The following GPD1L variants were observed in gnomAD, a reference collection of about 807,000 sequenced individuals.
The protein encoded by GPD1L is glycerol-3-phosphate dehydrogenase 1 like, also known as glycerol-3-phosphate dehydrogenase 1-like protein.
In GPD1L, 17 loss-of-function variants were observed where a neutral mutation model predicts 32.9. That is an observed-to-expected ratio of 0.52 (90% CI 0.35 to 0.78). The LOEUF (loss-of-function observed/expected upper bound fraction) is 0.78. Ranked by LOEUF, GPD1L falls within the 30% of genes least tolerant of loss-of-function variation. GPD1L has a pLI of 0.01. For missense variants in GPD1L, 361 were observed against 447.8 expected (o/e 0.81, Z 1.75); for synonymous variants, 187 against 165.9 (o/e 1.13, Z -0.98).
Position 32,115,628 on chromosome 3 carries a change from T to C in GPD1L, c.47+8870T>C, listed in dbSNP as rs560178341. Among the ~76,000 whole-genome samples the C allele has an allele frequency of 3.3e-5, 5 of 152,274 alleles. No individual in the cohort carries two copies. The South Asian group carries it at 1.0e-3, about 32-fold the overall frequency. On this transcript the variant is annotated intron_variant, in intron 1 of 7. Coordinates refer to ENST00000282541, the MANE Select transcript of GPD1L (RefSeq NM_015141.4). Reference sequence around the variant, plus strand: ...TCCAGTCCTGGAGGAGGAGGAGAACTCTAACCTAATAGCCCTAACACTGGC... The same window carrying C: ...TCCAGTCCTGGAGGAGGAGGAGAACCCTAACCTAATAGCCCTAACACTGGC...
chr3:32,110,465 G>A (rs1700231064), intron 1 of GPD1L, among the ~76,000 whole-genome samples: 1 of 152,244 alleles, frequency 6.6e-6, no homozygotes, highest in African/African-American at 2.4e-5. Context: ...TAGCCTGTTT[G>A]TGTAAATAAA....
intron 4 of GPD1L, among the ~76,000 whole-genome samples, chr3:32,141,858 C>T (rs1439947083): frequency 1.3e-5 from 2 of 152,122 alleles, no homozygotes; most frequent in African/African-American, 2.4e-5. Flanking sequence ...GGGTGTATTG[C>T]ATGATGCTGA....
At chr3:32,135,491 C>T (rs1043426542) in intron 2 of GPD1L, among the ~76,000 whole-genome samples, 11 of 152,176 alleles carry the variant, frequency 7.2e-5, no homozygotes, top group Non-Finnish European at 1.2e-4. Flanking sequence ...CTTGCTCTGT[C>T]GCCCAGGCTG....
At chr3:32,130,295 A>G (rs1465439212) in intron 2 of GPD1L, among the ~76,000 whole-genome samples, 2 of 151,994 alleles carry the variant, frequency 1.3e-5, no homozygotes, top group African/African-American at 2.4e-5. Context: ...TCTCAAACCT[A>G]TTCTTCCTGT....
chr3:32,150,891 A>G (rs984705142), intron 5 of GPD1L, among the ~76,000 whole-genome samples: 3 of 152,088 alleles, frequency 2.0e-5, no homozygotes, highest in African/African-American at 7.2e-5. Flanking sequence ...CGAGTTCAAG[A>G]CCAGCCTGGA....
intron 2 of GPD1L, among the ~76,000 whole-genome samples, chr3:32,129,814 G>A (rs1272694379): frequency 6.6e-6 from 1 of 152,176 alleles, no homozygotes; most frequent in Non-Finnish European, 1.5e-5. Flanking sequence ...TGCAATGGAA[G>A]GCCTGTGGGG....
intron 5 of GPD1L, among the ~76,000 whole-genome samples, chr3:32,150,089 T>C (rs982324486): frequency 1.6e-4 from 25 of 152,114 alleles, no homozygotes; most frequent in African/African-American, 6.0e-4. Flanking sequence ...CCCAAACAAC[T>C]CCACATGTCC....
intron 7 of GPD1L, among the ~76,000 whole-genome samples, chr3:32,160,607 T>C (rs1320689856): frequency 7.2e-6 from 1 of 138,486 alleles, no homozygotes; most frequent in African/African-American, 2.8e-5. Context: ...AATGGATGGG[T>C]GCATGGATAG....
At chr3:32,156,255 G>A (rs533357030) in intron 5 of GPD1L, among the ~76,000 whole-genome samples, 1 of 152,332 alleles carries the variant, frequency 6.6e-6, no homozygotes, top group Admixed American at 6.5e-5. Context: ...TAGCCTGTGT[G>A]GTAGGAAGAG....
In GPD1L at chr3:32,166,262, T is replaced by C; in HGVS notation, c.*352T>C. Reference sequence around the variant, plus strand: ...AGCCAAATATTTTAGGTGTAATTCATATGTATTTGAGTGGAGGATTTTTTT... The same window carrying C: ...AGCCAAATATTTTAGGTGTAATTCACATGTATTTGAGTGGAGGATTTTTTT... On this transcript the variant is annotated 3_prime_UTR_variant, in exon 8 of 8. Coordinates refer to ENST00000282541, the MANE Select transcript of GPD1L (RefSeq NM_015141.4). The C allele has an allele frequency of 3.0e-6, 1 of 338,558 alleles. No individual in the cohort carries two copies. The highest frequency in any genetic ancestry group is 5.6e-6 in the Non-Finnish European group (1 of 178,302). 21.0% of individuals were successfully genotyped at this position (338,558 alleles called of 1,614,324 possible).
chr3:32,151,431 T>C (rs1700917554), intron 5 of GPD1L: 2 of 592,066 alleles, frequency 3.4e-6, no homozygotes, highest in Non-Finnish European at 6.0e-6. Context: ...ATTCCCCTGA[T>C]GTCTACAATA....
In GPD1L at chr3:32,159,555, C is replaced by G; in HGVS notation, c.853-13C>G. On this transcript the variant is annotated splice_polypyrimidine_tract_variant and intron_variant, in intron 6 of 7. Coordinates refer to ENST00000282541, the MANE Select transcript of GPD1L (RefSeq NM_015141.4). ...CCATAGTTTTTTTAAATATATAATC[C>G]TTTGTTTTTAAGACCATTGAAGAGT... is the stretch of plus-strand genomic sequence containing the variant. The G allele has an allele frequency of 6.9e-7, 1 of 1,443,976 alleles. No individual in the cohort carries two copies. Among genetic ancestry groups the G allele is most frequent in the East Asian group, 2.3e-5 (1 of 44,034 alleles). The allele number at this position is 1,443,976 out of a possible 1,614,324, so 89.4% of individuals were successfully genotyped here. A position where few individuals can be genotyped will look rare whatever the true frequency, so the allele number is the denominator to read the frequency against.
chr3:32,118,855 G>C lies in GPD1L; in HGVS notation c.48-9221G>C, dbSNP rs980079090. Among the ~76,000 whole-genome samples, 18 of 152,130 alleles carry C rather than the reference G, an allele frequency of 1.2e-4. No individual in the cohort carries two copies. In the East Asian group the frequency reaches 1.9e-3, roughly 16 times the overall value. On this transcript the variant is annotated intron_variant, in intron 1 of 7. Transcript: ENST00000282541. ...TGACTACTCTAAGTACCTCATATAA[G>C]TAGAATTATACATTATTTATCCTTC...
In GPD1L at chr3:32,166,127, T is replaced by C. The variant is rs1701143494; in HGVS notation, c.*217T>C. ...ACACATGCAAACATGTGAATGGTGG[T>C]TTATTCCTCATTCTGTGGATGTTTC... On this transcript the variant is annotated 3_prime_UTR_variant, in exon 8 of 8. Coordinates refer to ENST00000282541, the MANE Select transcript of GPD1L (RefSeq NM_015141.4). The C allele has an allele frequency of 1.2e-5, 7 of 586,360 alleles. No homozygotes were observed. Among genetic ancestry groups the C allele is most frequent in the Non-Finnish European group, 1.8e-5 (6 of 326,798 alleles). The allele number at this position is 586,360 out of a possible 1,614,324, so 36.3% of individuals were successfully genotyped here. A position where few individuals can be genotyped will look rare whatever the true frequency, so the allele number is the denominator to read the frequency against.
chr3:32,162,991 T>C (rs1701091894), intron 7 of GPD1L, among the ~76,000 whole-genome samples: 1 of 149,774 alleles, frequency 6.7e-6, no homozygotes, highest in Non-Finnish European at 1.5e-5. Context: ...ACTCCTGGCC[T>C]CAAGCAATCT....
At chr3:32,122,692 C>T (rs1559571082) in intron 1 of GPD1L, among the ~76,000 whole-genome samples, 1 of 152,128 alleles carries the variant, frequency 6.6e-6, no homozygotes, top group Non-Finnish European at 1.5e-5. Context: ...GAAGGCTCCC[C>T]AACCTCCTCC....
intron 1 of GPD1L, among the ~76,000 whole-genome samples, chr3:32,116,922 A>T (rs541780619): frequency 2.0e-5 from 3 of 152,258 alleles, no homozygotes; most frequent in Admixed American, 1.3e-4. Context: ...TACAGAAGTT[A>T]TGTAATGTGT....
At chr3:32,122,148 G>C (rs1039873696) in intron 1 of GPD1L, among the ~76,000 whole-genome samples, 4 of 152,166 alleles carry the variant, frequency 2.6e-5, no homozygotes, top group Non-Finnish European at 4.4e-5. Context: ...TGAGGATGGG[G>C]ACTTGTCTGC....
chr3:32,157,059 A>G (rs1701002849), intron 5 of GPD1L, among the ~76,000 whole-genome samples: 1 of 152,102 alleles, frequency 6.6e-6, no homozygotes, highest in Admixed American at 6.5e-5. Flanking sequence ...CCAGGAACCT[A>G]GGGGCTCAAC....
Sources: gnomAD v4.1 joint callset for allele counts (sites outside exome capture counted in the v4.1 genomes callset) on GRCh38, gnomAD v4.1.1 for gene constraint, MANE v1.5 for transcripts, NCBI Gene and HGNC (gene_info 2026-07-23, HGNC 2026-07-21) for gene names.